ZNF560: variants seen among roughly 807,000 people sequenced by gnomAD.
The protein encoded by ZNF560 is zinc finger protein 560.
Under a neutral mutation model 81.8 loss-of-function variants are expected in ZNF560, and 54 were observed. The ratio of observed to expected loss-of-function variants is 0.66; its 90% CI spans 0.53 to 0.83. The LOEUF (loss-of-function observed/expected upper bound fraction) is 0.83, where lower values mean the gene tolerates loss of function less well. Ranked by LOEUF, ZNF560 falls within the 40% of genes least tolerant of loss-of-function variation. The pLI, the probability that ZNF560 is intolerant of heterozygous loss-of-function variation, is 0.00. For missense variants in ZNF560, 940 were observed against 932.4 expected, an observed-to-expected ratio of 1.01 and a Z score of -0.11; for synonymous variants, 321 against 317.9, an observed-to-expected ratio of 1.01 and a Z score of -0.10.
rs534354156 is a variant in ZNF560, at chr19:9,466,699, G to A, written c.2248C>T (p.Arg750Cys). The A allele has an allele frequency of 8.7e-6, 14 of 1,613,934 alleles. No homozygotes were observed. Among genetic ancestry groups the A allele is most frequent in the African/African-American group, 4.0e-5 (3 of 74,994 alleles). The change falls in exon 10 of 10, where the codon CGT becomes TGT. Residue 750 changes from arginine (R) to cysteine (C), a missense_variant. Transcript: ENST00000301480. ...YKCKECGKAF[R>C]TSSGRIQHLR... The stretch of plus-strand genomic sequence containing the variant: ...TGTTGAATACGTCCTGAGGATGTAC[G>A]GAAGGCCTTCCCACATTCCTTACAT...
Position 9,471,305 on chromosome 19 carries a change from C to T in ZNF560, c.312G>A (p.Gly104=), listed in dbSNP as rs751459790. 20 of 1,590,526 alleles carry T rather than the reference C, an allele frequency of 1.3e-5. No individual in the cohort carries two copies. In the Admixed American group the frequency reaches 2.7e-4, roughly 21 times the overall value. Residue 104 remains glycine, a synonymous_variant, in exon 6 of 10, where the codon GGG becomes GGA. Coordinates refer to ENST00000301480, the MANE Select transcript of ZNF560 (RefSeq NM_152476.3). ...QEFWKIQTSN[G]IQMDLVTFDS... ...CCTTTCTTAACATTACCATTTGTAT[C>T]CCATTAGAAGTTTGTATTTTCCAAA...
chr19:9,461,535 C>T (rs986757136), downstream of ZNF560, among the ~76,000 whole-genome samples: 5 of 152,152 alleles, frequency 3.3e-5, no homozygotes, highest in African/African-American at 1.2e-4. Flanking sequence ...TGGAGTGGCA[C>T]TACATTCATC....
chr19:9,489,820 G>A (rs978961476), intron 2 of ZNF560, among the ~76,000 whole-genome samples: 6 of 152,100 alleles, frequency 3.9e-5, no homozygotes, highest in Admixed American at 6.5e-5. Context: ...TCAATCTCCT[G>A]ACCTCATGAT....
At chr19:9,490,193 G>C (rs770114976) in intron 2 of ZNF560, among the ~76,000 whole-genome samples, 2 of 152,154 alleles carry the variant, frequency 1.3e-5, no homozygotes, top group African/African-American at 2.4e-5. Context: ...CTTCACAAAG[G>C]CATTCAGAAA....
chr19:9,477,654 A>G (rs1054730381), intron 2 of ZNF560, among the ~76,000 whole-genome samples: 2 of 152,122 alleles, frequency 1.3e-5, no homozygotes, highest in African/African-American at 2.4e-5. Context: ...TGCCCCTTAT[A>G]TTGACTATTT....
Position 9,473,382 on chromosome 19 carries a change from A to G in ZNF560, c.158-123T>C, listed in dbSNP as rs573921480. 6.0e-4 allele frequency: 405 copies of G among 676,200 alleles called. 1 individual carries two copies. The African/African-American group carries it at 6.8e-3, about 11-fold the overall frequency. The allele number at this position is 676,200 out of a possible 1,614,324, so 41.9% of individuals were successfully genotyped here. On this transcript the variant is annotated intron_variant, in intron 4 of 9. Transcript: ENST00000301480. ...GATTACCTGAAGTCAGGAGTTCAAG[A>G]TCAGCCTAAGATGGTGAAACCCCCG...
At position 9,484,761 on chromosome 19, in the gene ZNF560, C is replaced by T. The variant is rs150291834; in HGVS notation, c.-56-9392G>A. Among the ~76,000 whole-genome samples the T allele has an allele frequency of 4.2e-3, 629 of 148,522 alleles. 4 individuals are homozygous for T. Among genetic ancestry groups the T allele is most frequent in the African/African-American group, 0.015 (583 of 40,190 alleles). ...TCGCACCACTGCACTCCAGCCTGGGCGACAGAGCAAGACTCCATCTCAAAA... is the reference window on the plus strand; with the variant it reads ...TCGCACCACTGCACTCCAGCCTGGGTGACAGAGCAAGACTCCATCTCAAAA... On this transcript the variant is annotated intron_variant, in intron 2 of 9. Transcript: ENST00000301480.
At chr19:9,468,625 A>C (rs2073071957) in intron 9 of ZNF560, among the ~76,000 whole-genome samples, 1 of 152,136 alleles carries the variant, frequency 6.6e-6, no homozygotes, top group African/African-American at 2.4e-5. Context: ...TTAAGTACCA[A>C]GCTTCACACA....
At chr19:9,466,044 G>A (rs550546506), downstream of ZNF560, among the ~76,000 whole-genome samples, 9 of 151,694 alleles carry the variant, frequency 5.9e-5, no homozygotes, top group South Asian at 1.0e-3. Flanking sequence ...GTTTCTACAC[G>A]TTCAGTAAGA....
chr19:9,463,341 C>A (rs1198704987), downstream of ZNF560, among the ~76,000 whole-genome samples: 1 of 152,116 alleles, frequency 6.6e-6, no homozygotes, highest in Non-Finnish European at 1.5e-5. Context: ...CTTAGTGATA[C>A]ATCACTATTA....
chr19:9,482,331 A>G (rs910033196), intron 2 of ZNF560, among the ~76,000 whole-genome samples: 1 of 151,740 alleles, frequency 6.6e-6, no homozygotes, highest in African/African-American at 2.4e-5. Flanking sequence ...GTAAATGGCG[A>G]GTTAATGGGT....
At chr19:9,481,238 T>G (rs1272390999) in intron 2 of ZNF560, among the ~76,000 whole-genome samples, 1 of 152,306 alleles carries the variant, frequency 6.6e-6, no homozygotes, top group South Asian at 2.1e-4. Context: ...GCTGAAACTG[T>G]ATCCCTTCCC....
intron 2 of ZNF560, among the ~76,000 whole-genome samples, chr19:9,483,617 TGGGAGGGAGGTGGGGGCCAGCCCCC>T (rs2073336091): frequency 7.6e-6 from 1 of 132,338 alleles, no homozygotes; most frequent in Non-Finnish European, 1.6e-5. Flanking sequence ...CCGCCCCGTC[TGGGAGGGAGGTGGGGGCCAGCCCCC>T]CGCCGGCCAG....
At chr19:9,462,839 A>G (rs572362458), downstream of ZNF560, among the ~76,000 whole-genome samples, 2 of 152,348 alleles carry the variant, frequency 1.3e-5, no homozygotes, top group East Asian at 3.9e-4. Flanking sequence ...AGTCCTAGGT[A>G]CCTGAATTTT....
At position 9,470,479 on chromosome 19, in the gene ZNF560, G is replaced by C; in HGVS notation, c.361C>G (p.Gln121Glu). The part of the protein sequence containing the change: ...TFDSVAVEFT[Q>E]EEWTLLDPAQ... ...GGGTCCAGTAAAGTCCACTCTTCCT[G>C]GGTGAACTCCACAGCCACACTGTCA... is the stretch of plus-strand genomic sequence containing the variant. Residue 121 changes from glutamine (Q) to glutamate (E), a missense_variant, in exon 7 of 10, where the codon CAG (glutamine) becomes GAG (glutamate). Coordinates refer to ENST00000301480, the MANE Select transcript of ZNF560 (RefSeq NM_152476.3). The C allele has an allele frequency of 6.2e-7, 1 of 1,614,142 alleles. No individual in the cohort carries two copies. Among genetic ancestry groups the C allele is most frequent in the Non-Finnish European group, 8.5e-7 (1 of 1,180,028 alleles).
upstream of ZNF560, among the ~76,000 whole-genome samples, chr19:9,503,505 CTA>C (rs1313426061): frequency 3.3e-5 from 5 of 152,080 alleles, no homozygotes; most frequent in African/African-American, 9.7e-5. Context: ...GGAAAGGCAG[CTA>C]TCTGGGCCTC....
intron 2 of ZNF560, among the ~76,000 whole-genome samples, chr19:9,482,829 G>C (rs78119146): frequency 6.6e-6 from 1 of 150,640 alleles, no homozygotes; most frequent in Non-Finnish European, 1.5e-5. Context: ...TGCCTGACTG[G>C]TTTTCGTATT....
chr19:9,473,929 G>C (rs1022533683), intron 4 of ZNF560, among the ~76,000 whole-genome samples: 2 of 152,196 alleles, frequency 1.3e-5, no homozygotes, highest in African/African-American at 4.8e-5. Context: ...GATGTGGAAG[G>C]ATAGTTAACA....
Position 9,470,291 on chromosome 19 carries a change from C to T in ZNF560, c.448+101G>A. On this transcript the variant is annotated intron_variant, in intron 7 of 9. Transcript: ENST00000301480. Reference sequence around the variant, plus strand: ...AAATTTTTTTTCAGTGTGTATATATCCCACTGTATTCAGATTTGACATCAC... The same window carrying T: ...AAATTTTTTTTCAGTGTGTATATATTCCACTGTATTCAGATTTGACATCAC... The T allele has an allele frequency of 4.1e-6, 6 of 1,481,296 alleles. No individual in the cohort carries two copies. In the South Asian group the frequency reaches 8.1e-5, roughly 20 times the overall value. 91.8% of individuals were successfully genotyped at this position (1,481,296 alleles called of 1,614,324 possible). A position where few individuals can be genotyped will look rare whatever the true frequency, so the allele number is the denominator to read the frequency against.
Sources: gnomAD v4.1 joint callset for allele counts (sites outside exome capture counted in the v4.1 genomes callset) on GRCh38, gnomAD v4.1.1 for gene constraint, MANE v1.5 for transcripts, NCBI Gene and HGNC (gene_info 2026-07-23, HGNC 2026-07-21) for gene names.